Variants in CREBRF observed in about 807,000 individuals in gnomAD.
The protein encoded by CREBRF is UPF0474 protein C5orf41.
A neutral mutation model predicts 66.1 loss-of-function variants in CREBRF; 5 were observed. The ratio of observed to expected loss-of-function variants is 0.08; its 90% CI spans 0.04 to 0.16. The LOEUF (loss-of-function observed/expected upper bound fraction) is 0.16. CREBRF is among the 10% of genes least tolerant of loss of function. CREBRF has a pLI of 1.00. For synonymous variants in CREBRF, 229 were observed against 264.4 expected (o/e 0.87, Z 1.30); for missense variants, 531 against 744.9 (o/e 0.71, Z 3.34).
chr5:173,056,882 T>G (rs1343430986), intron 1 of CREBRF, among the ~76,000 whole-genome samples: 20 of 53,526 alleles, frequency 3.7e-4, no homozygotes, highest in African/African-American at 8.4e-4. Flanking sequence ...AGAGAGCGGG[T>G]GGGAGGGGCC....
At chr5:173,071,837 T>C (rs966675499) in intron 1 of CREBRF, among the ~76,000 whole-genome samples, 6 of 151,710 alleles carry the variant, frequency 4.0e-5, no homozygotes, top group Admixed American at 3.9e-4. Flanking sequence ...AGGCGATTGC[T>C]TGAGCCCAGG....
intron 4 of CREBRF, among the ~76,000 whole-genome samples, chr5:173,104,258 C>G (rs1037793483): frequency 4.6e-5 from 7 of 152,128 alleles, no homozygotes; most frequent in Non-Finnish European, 1.0e-4. Context: ...CGGGTAAAAC[C>G]ATATCTCACG....
At chr5:173,126,204 G>T (rs1260192070) in intron 8 of CREBRF, among the ~76,000 whole-genome samples, 11 of 152,042 alleles carry the variant, frequency 7.2e-5, no homozygotes, top group Admixed American at 7.2e-4. Flanking sequence ...GCAGTGGCGT[G>T]ATCTTGGCTC....
intron 4 of CREBRF, among the ~76,000 whole-genome samples, chr5:173,095,269 A>G (rs1463849056): frequency 2.1e-5 from 3 of 145,712 alleles, no homozygotes; most frequent in African/African-American, 7.6e-5. Context: ...GCTCACTGCA[A>G]GCTCCGCCTC....
intron 1 of CREBRF, among the ~76,000 whole-genome samples, chr5:173,056,771 G>C (rs545713806): frequency 3.5e-4 from 54 of 152,198 alleles, no homozygotes; most frequent in African/African-American, 1.3e-3. Context: ...GGCTAGGCCG[G>C]GGATGGGCAG....
intron 8 of CREBRF, among the ~76,000 whole-genome samples, chr5:173,131,302 C>A (rs907125444): frequency 6.6e-6 from 1 of 152,188 alleles, no homozygotes; most frequent in Non-Finnish European, 1.5e-5. Flanking sequence ...TTAGCCACAA[C>A]GCCAGTGTCA....
At chr5:173,107,363 A>G (rs1025936195) in intron 4 of CREBRF, among the ~76,000 whole-genome samples, 1 of 152,176 alleles carries the variant, frequency 6.6e-6, no homozygotes, top group Non-Finnish European at 1.5e-5. Context: ...TCTGGAGTAC[A>G]TCAGAGGTGG....
intron 3 of CREBRF, among the ~76,000 whole-genome samples, chr5:173,088,058 C>T (rs550982848): frequency 3.3e-5 from 5 of 151,632 alleles, no homozygotes; most frequent in South Asian, 2.1e-4. Context: ...CTCCTGACCT[C>T]GTGATCCACC....
chr5:173,060,527 C>G (rs1757239603), intron 1 of CREBRF: 2 of 151,848 alleles, frequency 1.3e-5, no homozygotes, highest in Admixed American at 6.6e-5. Flanking sequence ...CACCGTGCCC[C>G]CTCTAGTTAT....
intron 6 of CREBRF, among the ~76,000 whole-genome samples, chr5:173,111,504 C>T (rs970986197): frequency 7.2e-5 from 11 of 152,166 alleles, no homozygotes; most frequent in Admixed American, 4.6e-4. Flanking sequence ...GGATTACAGG[C>T]GTGAGCCAGT....
intron 1 of CREBRF, among the ~76,000 whole-genome samples, chr5:173,065,066 C>G (rs906482538): frequency 6.6e-6 from 1 of 152,154 alleles, no homozygotes; most frequent in Non-Finnish European, 1.5e-5. Context: ...GAATCCTCTA[C>G]TAGAGTTGCC....
At position 173,126,302 on chromosome 5, in the gene CREBRF, G is replaced by A. The variant is rs181431978; in HGVS notation, c.1804+3100G>A. On this transcript the variant is annotated intron_variant, in intron 8 of 8. Coordinates refer to ENST00000296953, the MANE Select transcript of CREBRF (RefSeq NM_153607.3). ...ATTACAGGTGCACACCACCACGCCC[G>A]GCTGATTTTTGTGTTTTTACTGGGG... Among the ~76,000 whole-genome samples, 14 of 152,154 alleles carry A rather than the reference G, an allele frequency of 9.2e-5. No homozygotes were observed. In the East Asian group the frequency reaches 9.7e-4, roughly 11 times the overall value.
At position 173,123,112 on chromosome 5, in the gene CREBRF, C is replaced by A; in HGVS notation, c.1714C>A (p.Gln572Lys). The stretch of plus-strand genomic sequence containing the variant: ...ATTGTTTGTAATCAACTCCATCAAG[C>A]AAGAGATTGTAAACCGGGTACAGAA... ...NLLFVINSIK[Q>K]EIVNRVQNPR... Residue 572 changes from glutamine to lysine, a missense_variant, in exon 8 of 9, where the codon CAA (glutamine) becomes AAA (lysine). This residue lies in a region of CREBRF where 64 missense variants were observed against 111.3 expected (regional missense o/e 0.58). Transcript: ENST00000296953. 1 of 1,604,502 alleles carries A rather than the reference C, an allele frequency of 6.2e-7. No homozygotes were observed. Among genetic ancestry groups the A allele is most frequent in the Non-Finnish European group, 8.5e-7 (1 of 1,177,418 alleles).
chr5:173,106,646 T>TA (rs1330738260), intron 4 of CREBRF, among the ~76,000 whole-genome samples: 1 of 152,200 alleles, frequency 6.6e-6, no homozygotes, highest in Admixed American at 6.5e-5. Flanking sequence ...TCACCCCTCT[T>TA]ACAGTGTACA....
intron 1 of CREBRF, among the ~76,000 whole-genome samples, chr5:173,060,813 C>T (rs933298078): frequency 2.6e-5 from 4 of 151,252 alleles, no homozygotes; most frequent in Admixed American, 6.6e-5. Flanking sequence ...AACTTTGAAT[C>T]TGTAGCATGG....
intron 1 of CREBRF, among the ~76,000 whole-genome samples, chr5:173,076,804 G>A (rs1757779327): frequency 6.6e-6 from 1 of 150,754 alleles, no homozygotes; most frequent in African/African-American, 2.4e-5. Flanking sequence ...TCTTAGAATT[G>A]TGGATCTGGA....
rs550681054 is a variant in CREBRF, at chr5:173,058,172, G to A, written c.-192+1693G>A. 2.0e-5 allele frequency among the ~76,000 whole-genome samples: 3 copies of A among 152,098 alleles called. No individual in the cohort carries two copies. The East Asian group carries it at 5.8e-4, about 29-fold the overall frequency. Reference sequence around the variant, plus strand: ...AAATAGGATATACACCAGAGGCAGGGAAAAATGGTATGAATAATTCGAAAA... The same window carrying A: ...AAATAGGATATACACCAGAGGCAGGAAAAAATGGTATGAATAATTCGAAAA... On this transcript the variant is annotated intron_variant, in intron 1 of 8. Coordinates refer to ENST00000296953, the MANE Select transcript of CREBRF (RefSeq NM_153607.3).
At chr5:173,061,031 G>T (rs750901204) in intron 1 of CREBRF, among the ~76,000 whole-genome samples, 1 of 152,072 alleles carries the variant, frequency 6.6e-6, no homozygotes, top group African/African-American at 2.4e-5. Context: ...GCAGTGGCAC[G>T]ATCTCGGCTC....
chr5:173,071,880 C>A (rs957510284), intron 1 of CREBRF, among the ~76,000 whole-genome samples: 1 of 151,292 alleles, frequency 6.6e-6, no homozygotes, highest in Non-Finnish European at 1.5e-5. Flanking sequence ...CATGTTGAAA[C>A]CCTCTCTAAA....
Sources: allele counts gnomAD v4.1 joint callset (sites outside exome capture counted in the v4.1 genomes callset), GRCh38; gene constraint gnomAD v4.1.1; regional missense constraint gnomAD v4.1.1; transcripts MANE v1.5; gene names NCBI Gene and HGNC (gene_info 2026-07-23, HGNC 2026-07-21).